KDM5A: variants seen among roughly 807,000 people sequenced by gnomAD.
The protein encoded by KDM5A is lysine demethylase 5A.
KDM5A carries 42 observed loss-of-function variants against 193.5 expected under a neutral mutation model. The observed-to-expected ratio is 0.22, with a 90% CI of 0.17 to 0.28. The LOEUF is 0.28. Among genes scored for constraint, KDM5A ranks in the 10% least tolerant of loss-of-function variants. The pLI, the probability that KDM5A is intolerant of heterozygous loss-of-function variation, is 1.00. For missense variants in KDM5A, 1,692 were observed against 2,055.1 expected (o/e 0.82, Z 3.42); for synonymous variants, 796 against 718.1 (o/e 1.11, Z -1.73).
Position 385,965 on chromosome 12 carries a change from G to A in KDM5A, c.175C>T (p.Pro59Ser), listed in dbSNP as rs2137502113. 6.2e-7 allele frequency: 1 copy of A among 1,612,956 alleles called. No individual in the cohort carries two copies. Among genetic ancestry groups the A allele is most frequent in the Non-Finnish European group, 8.5e-7 (1 of 1,179,060 alleles). Reference sequence around the variant, plus strand: ...CTTTTTACTTCACAGGCAAATGGAGGCTGCCAGTCCTAAATAGAAAGATTT... The same window carrying A: ...CTTTTTACTTCACAGGCAAATGGAGACTGCCAGTCCTAAATAGAAAGATTT... Reference protein sequence around the residue: ...CKIRPPKDWQPPFACEVKSFR... With the variant: ...CKIRPPKDWQSPFACEVKSFR... Residue 59 changes from proline (P) to serine (S), a missense_variant, in exon 2 of 28, where the codon CCT (proline) becomes TCT (serine). By Grantham distance (74) the Pro-to-Ser change is moderately conservative (BLOSUM62 -1). Coordinates refer to ENST00000399788, the MANE Select transcript of KDM5A (RefSeq NM_001042603.3).
chr12:338,579 C>T (rs1488716284), intron 10 of KDM5A, among the ~76,000 whole-genome samples: 1 of 152,058 alleles, frequency 6.6e-6, no homozygotes, highest in Non-Finnish European at 1.5e-5. Flanking sequence ...ATGAGTCCTC[C>T]CTGAATATCA....
intron 24 of KDM5A, 137 bp downstream of exon 24, chr12:306,809 T>TA (rs1943512640): frequency 2.2e-6 from 2 of 915,054 alleles, no homozygotes; most frequent in Non-Finnish European, 3.4e-6. Flanking sequence ...ATGCTACGAC[T>TA]AAAAACTCAG....
At chr12:381,771 A>C (rs753999539) in intron 3 of KDM5A, among the ~76,000 whole-genome samples, 1 of 151,850 alleles carries the variant, frequency 6.6e-6, no homozygotes, top group Non-Finnish European at 1.5e-5. Flanking sequence ...ACCTGACACT[A>C]ATTTTAAAAT....
intron 9 of KDM5A, 41 bp from the exon 10 acceptor site, chr12:350,820 A>G (rs377269299): frequency 3.2e-5 from 50 of 1,544,536 alleles, no homozygotes; most frequent in African/African-American, 2.2e-4. Flanking sequence ...TTAAACCACT[A>G]TAACTATAAC....
intron 3 of KDM5A, among the ~76,000 whole-genome samples, chr12:383,638 C>A (rs555060929): frequency 6.6e-6 from 1 of 152,018 alleles, no homozygotes; most frequent in Non-Finnish European, 1.5e-5. Flanking sequence ...TATCACAGAG[C>A]CTGATAAATA....
chr12:327,408 AT>A (rs1565535117), intron 14 of KDM5A, among the ~76,000 whole-genome samples: 1 of 152,194 alleles, frequency 6.6e-6, no homozygotes, highest in Non-Finnish European at 1.5e-5. Context: ...CAAAATAAGA[AT>A]TTTAAGAATA....
chr12:333,185 G>A (rs1294645975), intron 12 of KDM5A: 3 of 405,932 alleles, frequency 7.4e-6, no homozygotes, highest in Admixed American at 7.3e-5. Context: ...TTGGGAGGCC[G>A]AGTTGGGAAG....
chr12:374,669 C>T (rs528651292), intron 3 of KDM5A, among the ~76,000 whole-genome samples: 1 of 152,274 alleles, frequency 6.6e-6, no homozygotes, highest in East Asian at 1.9e-4. Context: ...TTCCTGGCAT[C>T]GATGGTCTTT....
At chr12:293,529 A>G (rs1943327147) in intron 26 of KDM5A, among the ~76,000 whole-genome samples, 1 of 152,242 alleles carries the variant, frequency 6.6e-6, no homozygotes, top group African/African-American at 2.4e-5. Context: ...CTGTAATCCC[A>G]GCACTCTGGG....
chr12:341,782 C>G (rs1022896505), intron 10 of KDM5A, among the ~76,000 whole-genome samples: 4 of 151,908 alleles, frequency 2.6e-5, no homozygotes, highest in African/African-American at 9.7e-5. Flanking sequence ...CACCTGTAAT[C>G]CCAGCTACTC....
At chr12:363,798 C>T (rs898699050) in intron 4 of KDM5A, among the ~76,000 whole-genome samples, 25 of 151,806 alleles carry the variant, frequency 1.6e-4, no homozygotes, top group African/African-American at 5.3e-4. Flanking sequence ...AAAAAGTGAC[C>T]AGTACAAAAA....
intron 19 of KDM5A, among the ~76,000 whole-genome samples, chr12:315,208 A>AT (rs1336111382): frequency 1.3e-5 from 2 of 152,246 alleles, no homozygotes; most frequent in Non-Finnish European, 2.9e-5. Flanking sequence ...AGAGAATGAT[A>AT]TATCCAAAGT....
At position 318,385 on chromosome 12, in the gene KDM5A, T is replaced by C. The variant is rs775406121; in HGVS notation, c.2618A>G (p.Lys873Arg). The C allele has an allele frequency of 1.9e-6, 3 of 1,614,188 alleles. No homozygotes were observed. Among genetic ancestry groups the C allele is most frequent in the Admixed American group, 1.7e-5 (1 of 60,026 alleles). ...AMMDETPDSS[K>R]LQMLIDMGSS... ...GCCCATATCTATCAACATCTGGAGT[T>C]TGGAAGAATCTGGGGTTTCATCCAT... Residue 873 changes from lysine (K) to arginine (R), a missense_variant, in exon 19 of 28, where the codon AAA becomes AGA. Transcript: ENST00000399788.
At chr12:291,492 C>T (rs1229959859) in intron 27 of KDM5A, among the ~76,000 whole-genome samples, 3 of 152,136 alleles carry the variant, frequency 2.0e-5, no homozygotes, top group South Asian at 2.1e-4. Flanking sequence ...CACATAATTA[C>T]CTTCCCTGAG....
rs1943144335 is a variant in KDM5A at position 280,511 on chromosome 12, T to C, written c.*4945A>G. 1 of 233,006 alleles carries C rather than the reference T, an allele frequency of 4.3e-6. No individual in the cohort carries two copies. 14.4% of individuals were successfully genotyped at this position (233,006 alleles called of 1,614,324 possible). ...TAACATACACATACAGAGTTACACA[T>C]TTCATGAAACTGAGGCCAAGTCCAC... On this transcript the variant is annotated 3_prime_UTR_variant, in exon 28 of 28. Transcript: ENST00000399788.
chr12:323,210 C>CAAA lies in KDM5A; in HGVS notation c.2151-7_2151-5dup, dbSNP rs60377454. On this transcript the variant is annotated splice_region_variant and splice_polypyrimidine_tract_variant and intron_variant, in intron 15 of 27. Transcript: ENST00000399788. ...GTCTTCTAATGGGTAGCGATATCTA[C>CAAA]AAAAAAAAAAAAAAAAAAAAAAAAA... 883 of 296,916 alleles carry CAAA rather than the reference C, an allele frequency of 3.0e-3. 17 individuals carry two copies. The highest frequency in any genetic ancestry group is 4.5e-3 in the Admixed American group (36 of 7,918). The allele number at this position is 296,916 out of a possible 1,614,324, so 18.4% of individuals were successfully genotyped here.
At chr12:378,489 T>C (rs1944535987) in intron 3 of KDM5A, among the ~76,000 whole-genome samples, 1 of 152,174 alleles carries the variant, frequency 6.6e-6, no homozygotes, top group Non-Finnish European at 1.5e-5. Flanking sequence ...TATCTAGAAC[T>C]CCTGGGCTCA....
At position 319,919 on chromosome 12, in the gene KDM5A, C is replaced by G. The variant is rs141424511; in HGVS notation, c.2541+1076G>C. 1.7e-3 allele frequency among the ~76,000 whole-genome samples: 261 copies of G among 152,140 alleles called. 3 individuals carry two copies. The highest frequency in any genetic ancestry group is 2.6e-3 in the Non-Finnish European group (174 of 68,008). ...AGGATATAGGTGATATTTAATGTCA[C>G]TGGGCAAATAAGGTATCAGAAGTGG... is the stretch of plus-strand genomic sequence containing the variant. On this transcript the variant is annotated intron_variant, in intron 18 of 27. Transcript: ENST00000399788.
At chr12:348,487 A>G (rs1176877257) in intron 10 of KDM5A, among the ~76,000 whole-genome samples, 2 of 152,216 alleles carry the variant, frequency 1.3e-5, no homozygotes, top group African/African-American at 4.8e-5. Flanking sequence ...CAGTATTCAC[A>G]ATAGCAAAGA....
Sources: allele counts gnomAD v4.1 joint callset (sites outside exome capture counted in the v4.1 genomes callset), GRCh38; gene constraint gnomAD v4.1.1; transcripts MANE v1.5; gene names NCBI Gene and HGNC (gene_info 2026-07-23, HGNC 2026-07-21).